The following PDE7B variants were observed in gnomAD, a reference collection of about 807,000 sequenced individuals.
PDE7B encodes the protein 3',5'-cyclic-AMP phosphodiesterase 7B.
Under a neutral mutation model 56.2 loss-of-function variants are expected in PDE7B, and 29 were observed. That is an observed-to-expected ratio of 0.52 (90% confidence interval 0.38 to 0.70). The LOEUF (loss-of-function observed/expected upper bound fraction) is 0.70. PDE7B is among the 30% of genes least tolerant of loss of function. PDE7B has a pLI of 0.00. For missense variants in PDE7B, 490 were observed against 565.0 expected (o/e 0.87, Z 1.35); for synonymous variants, 197 against 196.9 (o/e 1.00, Z 0.00).
At chr6:135,896,656 A>T (rs1257249678) in intron 1 of PDE7B, among the ~76,000 whole-genome samples, 4 of 152,182 alleles carry the variant, frequency 2.6e-5, no homozygotes, top group Non-Finnish European at 4.4e-5. Context: ...AAGGAGACGC[A>T]GAGAGGTTAA....
intron 2 of PDE7B, among the ~76,000 whole-genome samples, chr6:136,059,494 G>A (rs1776799319): frequency 6.6e-6 from 1 of 152,128 alleles, no homozygotes; most frequent in Non-Finnish European, 1.5e-5. Flanking sequence ...AGCTGTGGTG[G>A]AACCCTGCCA....
chr6:136,144,230 A>G (rs773155790), intron 3 of PDE7B, among the ~76,000 whole-genome samples: 8 of 152,010 alleles, frequency 5.3e-5, no homozygotes, highest in Non-Finnish European at 1.2e-4. Context: ...CTCTTCTTAA[A>G]TTTTTTATCA....
chr6:136,031,374 T>C (rs1390996076), intron 2 of PDE7B, among the ~76,000 whole-genome samples: 2 of 152,200 alleles, frequency 1.3e-5, no homozygotes, highest in Non-Finnish European at 2.9e-5. Context: ...TGCACATTAA[T>C]ATTTGAGAAG....
Position 136,054,440 on chromosome 6 carries a change from C to G in PDE7B, c.83-54291C>G, listed in dbSNP as rs555564964. Among the ~76,000 whole-genome samples, 271 of 152,214 alleles carry G rather than the reference C, an allele frequency of 1.8e-3. 5 individuals are homozygous for G. The highest frequency in any genetic ancestry group is 6.0e-3 in the African/African-American group (249 of 41,514). ...TCTCTGTTTTGGTACCAGTATCATG[C>G]TGTTTTGGTTACTGTAGACTTGTAG... On this transcript the variant is annotated intron_variant, in intron 2 of 12. Coordinates refer to ENST00000308191, the MANE Select transcript of PDE7B (RefSeq NM_018945.4).
At chr6:136,054,247 G>A (rs1455159550) in intron 2 of PDE7B, among the ~76,000 whole-genome samples, 1 of 152,078 alleles carries the variant, frequency 6.6e-6, no homozygotes. Context: ...TGTAAGGAAG[G>A]GATCCAGTTT....
rs1356390872 is a variant in PDE7B at position 135,856,710 on chromosome 6, G to A, written c.21+4691G>A. Among the ~76,000 whole-genome samples the A allele has an allele frequency of 2.6e-5, 4 of 152,112 alleles. 1 individual carries two copies. In the South Asian group the frequency reaches 6.2e-4, roughly 24 times the overall value. On this transcript the variant is annotated intron_variant, in intron 1 of 12. Transcript: ENST00000308191. ...TAACACCTCAAGCATGGAAAATAGG[G>A]AGCTGGTTTTGTAGTTTTGGATAAA...
At chr6:136,103,013 A>G (rs1252786203) in intron 2 of PDE7B, among the ~76,000 whole-genome samples, 2 of 152,196 alleles carry the variant, frequency 1.3e-5, no homozygotes, top group African/African-American at 4.8e-5. Context: ...TTTCACATGC[A>G]AAGAAAATTG....
intron 1 of PDE7B, among the ~76,000 whole-genome samples, chr6:135,868,309 C>G (rs770059698): frequency 6.6e-6 from 1 of 152,184 alleles, no homozygotes; most frequent in Non-Finnish European, 1.5e-5. Flanking sequence ...GCCAGCATGG[C>G]CATATCAATC....
At chr6:135,916,397 T>TC (rs1773945740) in intron 1 of PDE7B, among the ~76,000 whole-genome samples, 1 of 139,686 alleles carries the variant, frequency 7.2e-6, no homozygotes, top group African/African-American at 2.7e-5. Context: ...TCTTTCTTTT[T>TC]TTTTTTTTTT....
chr6:136,074,412 TTA>T (rs1777099269), intron 2 of PDE7B, among the ~76,000 whole-genome samples: 1 of 152,214 alleles, frequency 6.6e-6, no homozygotes, highest in Admixed American at 6.5e-5. Context: ...CATCAAGCAT[TTA>T]TTTCTTTCTT....
intron 1 of PDE7B, among the ~76,000 whole-genome samples, chr6:135,927,720 T>C (rs143308335): frequency 6.6e-6 from 1 of 152,282 alleles, no homozygotes; most frequent in East Asian, 1.9e-4. Flanking sequence ...TGGCATTACA[T>C]TGGCCTCAGC....
At chr6:136,056,095 G>A (rs1161836266) in intron 2 of PDE7B, among the ~76,000 whole-genome samples, 1 of 152,182 alleles carries the variant, frequency 6.6e-6, no homozygotes, top group Non-Finnish European at 1.5e-5. Flanking sequence ...CGTAGAAGGA[G>A]GAGGAGGAAT....
intron 2 of PDE7B, among the ~76,000 whole-genome samples, chr6:135,953,709 CA>C (rs1319180980): frequency 1.3e-5 from 2 of 151,972 alleles, no homozygotes; most frequent in East Asian, 3.9e-4. Flanking sequence ...CAATTTGGTT[CA>C]AGTGAATAGA....
chr6:135,950,587 T>A (rs1774681136), intron 2 of PDE7B, among the ~76,000 whole-genome samples: 1 of 152,120 alleles, frequency 6.6e-6, no homozygotes, highest in Admixed American at 6.6e-5. Flanking sequence ...GACATCCTCA[T>A]CTTTAACTGG....
chr6:135,941,797 G>C (rs1774510259), intron 1 of PDE7B, among the ~76,000 whole-genome samples: 1 of 152,158 alleles, frequency 6.6e-6, no homozygotes, highest in African/African-American at 2.4e-5. Flanking sequence ...AAACCTCCAA[G>C]CATCAAGGAT....
chr6:135,893,015 TTC>T (rs1363590147), intron 1 of PDE7B, among the ~76,000 whole-genome samples: 3 of 152,174 alleles, frequency 2.0e-5, no homozygotes, highest in Admixed American at 1.3e-4. Flanking sequence ...ACTTTTCTTG[TTC>T]TGTCTTCTTT....
intron 2 of PDE7B, among the ~76,000 whole-genome samples, chr6:135,961,307 GTGTGTGTA>G: frequency 7.0e-6 from 1 of 142,800 alleles, no homozygotes; most frequent in Admixed American, 7.5e-5. Flanking sequence ...GTGTGTGTGT[GTGTGTGTA>G]GTTCAGCTTT....
intron 1 of PDE7B, among the ~76,000 whole-genome samples, chr6:135,933,382 TTAAC>T (rs1774328091): frequency 6.6e-6 from 1 of 152,240 alleles, no homozygotes; most frequent in Non-Finnish European, 1.5e-5. Flanking sequence ...TACAATTTGT[TTAAC>T]TAGTGATCAT....
chr6:135,860,379 C>T (rs981228227), intron 1 of PDE7B, among the ~76,000 whole-genome samples: 2 of 151,874 alleles, frequency 1.3e-5, no homozygotes, highest in African/African-American at 4.8e-5. Flanking sequence ...TTAATCTACC[C>T]ACTATATTTT....
Sources: allele counts gnomAD v4.1 joint callset (sites outside exome capture counted in the v4.1 genomes callset), GRCh38; gene constraint gnomAD v4.1.1; transcripts MANE v1.5; gene names NCBI Gene and HGNC (gene_info 2026-07-23, HGNC 2026-07-21).